INTS8: variants seen among roughly 807,000 people sequenced by gnomAD.
INTS8 encodes protein kaonashi-1.
INTS8 carries 47 observed loss-of-function variants against 138.9 expected under a neutral mutation model. The ratio of observed to expected loss-of-function variants is 0.34; its 90% CI spans 0.27 to 0.43. The LOEUF (loss-of-function observed/expected upper bound fraction) is 0.43, where lower values mean the gene tolerates loss of function less well. Among genes scored for constraint, INTS8 ranks in the 20% least tolerant of loss-of-function variants. The pLI is 1.00. For synonymous variants in INTS8, 392 were observed against 400.9 expected (o/e 0.98, Z 0.27); for missense variants, 996 against 1,173.0 (o/e 0.85, Z 2.20).
At chr8:94,846,315 C>G (rs1004400474) in intron 10 of INTS8, among the ~76,000 whole-genome samples, 1 of 151,982 alleles carries the variant, frequency 6.6e-6, no homozygotes, top group African/African-American at 2.4e-5. Context: ...TTTCTTGTTG[C>G]CCAGGCTGCA....
chr8:94,862,981 A>G (rs1424068973), intron 16 of INTS8, among the ~76,000 whole-genome samples: 5 of 152,166 alleles, frequency 3.3e-5, no homozygotes, highest in East Asian at 3.8e-4. Context: ...ATATTTTCCT[A>G]CTCATATATT....
chr8:94,869,233 A>G (rs899497086), intron 20 of INTS8, among the ~76,000 whole-genome samples: 3 of 151,014 alleles, frequency 2.0e-5, no homozygotes, highest in East Asian at 2.0e-4. Flanking sequence ...TGCACACCTC[A>G]GCCTCCCAAA....
rs770111588 is a variant in INTS8, at chr8:94,844,000, C to CT, written c.1260+1523dup. On this transcript the variant is annotated intron_variant, in intron 10 of 26. Coordinates refer to ENST00000523731, the MANE Select transcript of INTS8 (RefSeq NM_017864.4). ...GGTACCTTTTCCAAGTGTTATGCCT[C>CT]TTTTTTTTTTTGAGATAGAGTTCTG... Among the ~76,000 whole-genome samples, 635 of 126,584 alleles carry CT rather than the reference C, an allele frequency of 5.0e-3. 1 individual carries two copies. Among genetic ancestry groups the CT allele is most frequent in the Non-Finnish European group, 8.1e-3 (470 of 57,676 alleles). 83.0% of individuals were successfully genotyped at this position (126,584 alleles called of 152,430 possible).
intron 22 of INTS8, 70 bp from the exon 23 acceptor site, chr8:94,874,482 C>A: frequency 1.2e-6 from 1 of 843,774 alleles, no homozygotes; most frequent in Non-Finnish European, 2.0e-6. Context: ...ACATCCCATA[C>A]CAGAGTGACA....
chr8:94,848,187 A>G (rs965205020), intron 10 of INTS8, among the ~76,000 whole-genome samples: 1 of 151,462 alleles, frequency 6.6e-6, no homozygotes, highest in Non-Finnish European at 1.5e-5. Flanking sequence ...TTTTTTTTGT[A>G]TTTTTAGTAG....
chr8:94,851,612 T>TG lies in INTS8; in HGVS notation c.1569dup (p.Arg524GlufsTer3). On this transcript the variant is annotated frameshift_variant, in exon 13 of 27. Transcript: ENST00000523731. LOFTEE classifies it high-confidence loss of function. ...TCAACTTATATTGTCAGTGGATCCT[T>TG]GGAGGATTAGACAAATTTTAATTGA... The TG allele has an allele frequency of 6.2e-7, 1 of 1,602,494 alleles. No individual in the cohort carries two copies. The highest frequency in any genetic ancestry group is 8.5e-7 in the Non-Finnish European group (1 of 1,175,312).
At chr8:94,839,123 A>G (rs575287800) in intron 8 of INTS8, among the ~76,000 whole-genome samples, 2 of 152,278 alleles carry the variant, frequency 1.3e-5, no homozygotes, top group East Asian at 3.9e-4. Flanking sequence ...GGAGAAAGGG[A>G]GCACAGTGAA....
intron 10 of INTS8, among the ~76,000 whole-genome samples, chr8:94,842,945 GAGA>G (rs148289961): frequency 0.19 from 28,237 of 152,050 alleles, 2,739 homozygotes; most frequent in Middle Eastern, 0.27. Flanking sequence ...GAGACATTGA[GAGA>G]AGTACATAAA....
chr8:94,828,045 G>GTTTTT (rs67211071), intron 4 of INTS8, among the ~76,000 whole-genome samples: 4 of 141,864 alleles, frequency 2.8e-5, no homozygotes, highest in Admixed American at 7.1e-5. Context: ...TTTTTTTTTT[G>GTTTTT]TTTTTTTTTT....
Position 94,874,571 on chromosome 8 carries a change from A to T in INTS8, c.2657A>T (p.Lys886Ile), listed in dbSNP as rs200481388. The T allele has an allele frequency of 6.3e-7, 1 of 1,585,664 alleles. No individual in the cohort carries two copies. The highest frequency in any genetic ancestry group is 2.2e-5 in the East Asian group (1 of 44,636). The part of the protein sequence containing the change: ...YTDQVIKRMI[K>I]CCSLLNCHTQ... The stretch of plus-strand genomic sequence containing the variant: ...TTGTAGGTAATAAAACGAATGATAA[A>T]ATGTTGTTCTTTGCTGAATTGCCAC... The change falls in exon 23 of 27, where the codon AAA becomes ATA. Residue 886 changes from lysine to isoleucine, a missense_variant. Physicochemically the swap from Lys to Ile is moderately radical, Grantham distance 102. Transcript: ENST00000523731.
In INTS8 at chr8:94,880,225, T is replaced by C. The variant is rs1465049151; in HGVS notation, c.2979T>C (p.Leu993=). Residue 993 remains leucine, a synonymous_variant, in exon 27 of 27, where the codon CTT becomes CTC. Transcript: ENST00000523731. ...KKKFLQAMAK[L]YF is the part of the protein sequence containing the mutation. ...AGTTTCTCCAAGCAATGGCAAAACT[T>C]TACTTTTAAGCAGTTAAATTTTTTT... is the stretch of plus-strand genomic sequence containing the variant. 6.3e-7 allele frequency: 1 copy of C among 1,591,628 alleles called. No homozygotes were observed.
intron 17 of INTS8, 91 bp downstream of exon 17, chr8:94,865,781 A>T: frequency 8.6e-7 from 1 of 1,166,694 alleles, no homozygotes; most frequent in Non-Finnish European, 1.2e-6. Flanking sequence ...GATTTCAAGA[A>T]CATCAGCTTT....
intron 10 of INTS8, among the ~76,000 whole-genome samples, chr8:94,847,663 A>G (rs563469928): frequency 9.2e-5 from 14 of 152,148 alleles, no homozygotes; most frequent in Non-Finnish European, 2.1e-4. Context: ...TTTTAATATT[A>G]AAGCATCTAC....
intron 15 of INTS8, among the ~76,000 whole-genome samples, chr8:94,858,705 C>G (rs540627446): frequency 6.6e-6 from 1 of 152,146 alleles, no homozygotes; most frequent in Middle Eastern, 3.2e-3. Context: ...GGAATTTGCC[C>G]ACAGTCACAC....
chr8:94,857,065 TGTAATC>T (rs1319198478), intron 15 of INTS8, 87 bp downstream of exon 15: 2 of 992,146 alleles, frequency 2.0e-6, no homozygotes, highest in Non-Finnish European at 2.9e-6. Flanking sequence ...TATTTGAGTT[TGTAATC>T]TTTTTTTTTT....
chr8:94,880,231 T>A lies in INTS8; in HGVS notation c.2985T>A (p.Phe995Leu). Residue 995 changes from phenylalanine (F) to leucine (L), a missense_variant, in exon 27 of 27, where the codon TTT (phenylalanine) becomes TTA (leucine). Coordinates refer to ENST00000523731, the MANE Select transcript of INTS8 (RefSeq NM_017864.4). Reference protein sequence around the residue: ...KFLQAMAKLYF With the variant: ...KFLQAMAKLYL ...TCCAAGCAATGGCAAAACTTTACTTTTAAGCAGTTAAATTTTTTTAACTTT... is the reference window on the plus strand; with the variant it reads ...TCCAAGCAATGGCAAAACTTTACTTATAAGCAGTTAAATTTTTTTAACTTT... 6.4e-7 allele frequency: 1 copy of A among 1,562,968 alleles called. No homozygotes were observed. Among genetic ancestry groups the A allele is most frequent in the South Asian group, 1.2e-5 (1 of 86,728 alleles).
At chr8:94,875,270 C>T (rs1473217209) in intron 23 of INTS8, among the ~76,000 whole-genome samples, 1 of 152,104 alleles carries the variant, frequency 6.6e-6, no homozygotes, top group Admixed American at 6.6e-5. Flanking sequence ...CATATCTATG[C>T]AATGAAATAT....
chr8:94,836,118 A>T lies in INTS8; in HGVS notation c.754-406A>T, dbSNP rs139315004. Among the ~76,000 whole-genome samples, 16 of 152,202 alleles carry T rather than the reference A, an allele frequency of 1.1e-4. No individual in the cohort carries two copies. In the East Asian group the frequency reaches 2.9e-3, roughly 28 times the overall value. ...CGACAGTAAAATCTAGTTTCCGGGG[A>T]CAGCACTTGCAGGAGTGTAGCTGCT... On this transcript the variant is annotated intron_variant, in intron 6 of 26. Coordinates refer to ENST00000523731, the MANE Select transcript of INTS8 (RefSeq NM_017864.4).
At chr8:94,861,411 A>G (rs184162569) in intron 16 of INTS8, among the ~76,000 whole-genome samples, 2,346 of 151,278 alleles carry the variant, frequency 0.016, 36 homozygotes, top group East Asian at 0.075. Context: ...ACAGGCGCCC[A>G]CTGCCATGCC....
Sources: allele counts gnomAD v4.1 joint callset (sites outside exome capture counted in the v4.1 genomes callset), GRCh38; gene constraint gnomAD v4.1.1; transcripts MANE v1.5; gene names NCBI Gene and HGNC (gene_info 2026-07-23, HGNC 2026-07-21).